Variants in EBF4 observed in about 807,000 individuals in gnomAD.
EBF4 encodes the protein EBF transcription factor 4.
Under a neutral mutation model 67.1 loss-of-function variants are expected in EBF4, and 34 were observed. That is an observed-to-expected ratio of 0.51 (90% confidence interval 0.39 to 0.67). The LOEUF (loss-of-function observed/expected upper bound fraction) is 0.67, where lower values mean the gene tolerates loss of function less well. EBF4 is among the 30% of genes least tolerant of loss of function. The probability of loss-of-function intolerance (pLI) is 0.00; values close to 1 mark genes in which losing one functional copy is unlikely to be tolerated. For missense variants in EBF4, 837 were observed against 873.3 expected (o/e 0.96, Z 0.52); for synonymous variants, 387 against 377.7 (o/e 1.02, Z -0.29).
At chr20:2,749,062 A>G (rs1347454156) in intron 7 of EBF4, among the ~76,000 whole-genome samples, 1 of 151,996 alleles carries the variant, frequency 6.6e-6, no homozygotes. Flanking sequence ...GCCCACCTCC[A>G]CTTGCCTAAG....
chr20:2,705,438 C>T (rs1253347018), intron 1 of EBF4, 139 bp from the exon 2 acceptor site: 1 of 1,177,838 alleles, frequency 8.5e-7, no homozygotes, highest in African/African-American at 1.5e-5. Context: ...TGGAAAGGGC[C>T]TGTCTAGTTG....
At chr20:2,723,778 T>C (rs1174679829) in intron 6 of EBF4, among the ~76,000 whole-genome samples, 21 of 145,020 alleles carry the variant, frequency 1.4e-4, no homozygotes, top group Admixed American at 1.4e-3. Flanking sequence ...AGGTGACAAA[T>C]AAAAATTTTA....
chr20:2,740,388 G>A (rs543771412), intron 6 of EBF4, among the ~76,000 whole-genome samples: 13 of 152,316 alleles, frequency 8.5e-5, no homozygotes, highest in Non-Finnish European at 1.9e-4. Context: ...CATTTCCAGT[G>A]CTTAGTAGCC....
intron 6 of EBF4, among the ~76,000 whole-genome samples, chr20:2,715,365 T>A (rs1344514096): frequency 6.6e-6 from 1 of 152,234 alleles, no homozygotes; most frequent in African/African-American, 2.4e-5. Context: ...TGTAGTTTGT[T>A]GTATTTAGCT....
At chr20:2,693,527 GA>G, upstream of EBF4, 1 of 1,221,320 alleles carries the variant, frequency 8.2e-7, no homozygotes, top group Non-Finnish European at 1.0e-6. The surrounding 1 kb of genome is among the most constrained non-coding windows in gnomAD (Gnocchi z 4.6). Flanking sequence ...GAGCCACCCG[GA>G]CTCGGCGCTG....
chr20:2,705,760 A>T, intron 2 of EBF4, 27 bp downstream of exon 2: 1 of 1,487,378 alleles, frequency 6.7e-7, no homozygotes, highest in Non-Finnish European at 9.0e-7. Flanking sequence ...CTTGGCTGGG[A>T]CTGGCCCCGG....
rs140994536 is a variant in EBF4 at position 2,724,564 on chromosome 20, G to C, written c.557+14922G>C. ...CTGGGAACACAATTCCACATTGACA[G>C]TTATTTTTTACTTAGTACTTTGAAT... On this transcript the variant is annotated intron_variant, in intron 6 of 16. Coordinates refer to ENST00000609451, the Ensembl canonical transcript of EBF4. 4.8e-4 allele frequency among the ~76,000 whole-genome samples: 73 copies of C among 152,298 alleles called. No homozygotes were observed. The East Asian group carries it at 0.013, about 28-fold the overall frequency.
chr20:2,746,382 C>T (rs1014097694), intron 6 of EBF4, among the ~76,000 whole-genome samples: 2 of 152,098 alleles, frequency 1.3e-5, no homozygotes, highest in African/African-American at 4.8e-5. Context: ...GGATTGTCTA[C>T]ACTGTAGGGG....
intron 6 of EBF4, among the ~76,000 whole-genome samples, chr20:2,711,981 G>T (rs1255011125): frequency 6.6e-6 from 1 of 152,188 alleles, no homozygotes; most frequent in Non-Finnish European, 1.5e-5. Flanking sequence ...CGGCAAGAGT[G>T]TGCCTGCTGT....
chr20:2,716,238 A>AAAT (rs1165665986), intron 6 of EBF4, among the ~76,000 whole-genome samples: 23 of 151,234 alleles, frequency 1.5e-4, no homozygotes, highest in African/African-American at 5.6e-4. Flanking sequence ...AAAAAAAAAA[A>AAAT]AATCCTTGCC....
At chr20:2,744,083 T>A (rs1035768025) in intron 6 of EBF4, among the ~76,000 whole-genome samples, 3 of 125,804 alleles carry the variant, frequency 2.4e-5, no homozygotes, top group African/African-American at 3.3e-5. Flanking sequence ...TTATTTTTTT[T>A]ATTTTTTTTT....
intron 14 of EBF4, chr20:2,754,980 A>ACCCCCCGC (rs1407127501): frequency 1.0e-5 from 1 of 97,336 alleles, no homozygotes; most frequent in Non-Finnish European, 2.1e-5. Context: ...ACCCCCCCCC[A>ACCCCCCGC]CAGGGCCCAG....
rs532083700 is a variant in EBF4 at position 2,702,561 on chromosome 20, G to A, written c.138-3016G>A. 2.6e-5 allele frequency among the ~76,000 whole-genome samples: 4 copies of A among 152,346 alleles called. No individual in the cohort carries two copies. In the South Asian group the frequency reaches 8.3e-4, roughly 32 times the overall value. On this transcript the variant is annotated intron_variant, in intron 1 of 16. Coordinates refer to ENST00000609451, the Ensembl canonical transcript of EBF4. ...AGGCTCCGGGGCAAGCTTTCAAGAG[G>A]AGGAAACATTTTCCATTTTACTATT...
chr20:2,703,965 A>C (rs2087414305), intron 1 of EBF4, among the ~76,000 whole-genome samples: 1 of 152,154 alleles, frequency 6.6e-6, no homozygotes, highest in Non-Finnish European at 1.5e-5. Flanking sequence ...AGGAGGCCTC[A>C]GTTATTCTCC....
chr20:2,741,117 C>G (rs2087961274), intron 6 of EBF4, among the ~76,000 whole-genome samples: 1 of 152,004 alleles, frequency 6.6e-6, no homozygotes, highest in Non-Finnish European at 1.5e-5. Flanking sequence ...TTGAGACCAG[C>G]CTGGGCAACG....
At chr20:2,754,762 C>T (rs1219009484) in intron 14 of EBF4, among the ~76,000 whole-genome samples, 2 of 152,126 alleles carry the variant, frequency 1.3e-5, no homozygotes, top group African/African-American at 2.4e-5. Flanking sequence ...TGGGATCCAG[C>T]GATGCCCCAG....
chr20:2,751,549 A>T lies in EBF4; in HGVS notation c.1019-151A>T. Reference sequence around the variant, plus strand: ...GAATCTCGCTGCCGGGGGTGCCTGGAGTTTTCCGGGGGACTTGGGCTGGGC... The same window carrying T: ...GAATCTCGCTGCCGGGGGTGCCTGGTGTTTTCCGGGGGACTTGGGCTGGGC... On this transcript the variant is annotated intron_variant, in intron 10 of 16. Transcript: ENST00000609451. The surrounding 1 kb of genome is among the most constrained non-coding windows in gnomAD (Gnocchi z 5.2). 1 of 703,114 alleles carries T rather than the reference A, an allele frequency of 1.4e-6. No homozygotes were observed. The allele number at this position is 703,114 out of a possible 1,614,324, so 43.6% of individuals were successfully genotyped here. A position where few individuals can be genotyped will look rare whatever the true frequency, so the allele number is the denominator to read the frequency against.
At position 2,755,702 on chromosome 20, in the gene EBF4, T is replaced by A; in HGVS notation, c.1616T>A (p.Phe539Tyr). The A allele has an allele frequency of 1.3e-6, 2 of 1,550,604 alleles. No homozygotes were observed. Among genetic ancestry groups the A allele is most frequent in the Non-Finnish European group, 1.7e-6 (2 of 1,146,772 alleles). The change falls in exon 15 of 17, where the codon TTC (phenylalanine) becomes TAC (tyrosine). Residue 539 changes from phenylalanine (F) to tyrosine (Y), a missense_variant. This residue lies in a region of EBF4 where 525 missense variants were observed against 496.5 expected (regional missense o/e 1.06). Coordinates refer to ENST00000609451, the Ensembl canonical transcript of EBF4. The surrounding 1 kb of genome is among the most constrained non-coding windows in gnomAD (Gnocchi z 4.7). ...GCCGCTGCCCCCACCACCAGCGTGT[T>A]CTCCTTCTCGCCTGTCAACATGATC...
chr20:2,755,675 C>G lies in EBF4; in HGVS notation c.1589C>G (p.Pro530Arg). 3 of 1,550,116 alleles carry G rather than the reference C, an allele frequency of 1.9e-6. No individual in the cohort carries two copies. Among genetic ancestry groups the G allele is most frequent in the Non-Finnish European group, 2.6e-6 (3 of 1,146,580 alleles). ...GCGGCTGCCTCCTCCATGTCCCTCC[C>G]GGCCGCTGCCCCCACCACCAGCGTG... is the stretch of plus-strand genomic sequence containing the variant. The change falls in exon 15 of 17, where the codon CCG becomes CGG. Residue 530 changes from proline (P) to arginine (R), a missense_variant. Around this residue, in one of 3 missense-constraint regions of EBF4, gnomAD observed 525 missense variants for 496.5 expected, o/e 1.06. Coordinates refer to ENST00000609451, the Ensembl canonical transcript of EBF4. The surrounding 1 kb of genome is among the most constrained non-coding windows in gnomAD (Gnocchi z 4.7).
Sources: gnomAD v4.1 joint callset for allele counts (sites outside exome capture counted in the v4.1 genomes callset) on GRCh38, gnomAD v4.1.1 for gene constraint, gnomAD v4.1.1 regional missense constraint, Gnocchi (gnomAD v3.1) non-coding constraint, MANE v1.5 for transcripts, NCBI Gene and HGNC (gene_info 2026-07-23, HGNC 2026-07-21) for gene names.